ZNF654: variants seen among roughly 807,000 people sequenced by gnomAD.
ZNF654 encodes the protein zinc finger protein 654, also known as melanoma-associated antigen.
ZNF654 carries 19 observed loss-of-function variants against 95.3 expected under a neutral mutation model. The ratio of observed to expected loss-of-function variants is 0.20; its 90% CI spans 0.14 to 0.29. The LOEUF is 0.29. ZNF654 is among the 10% of genes least tolerant of loss of function. The pLI is 1.00. For missense variants in ZNF654, 1,046 were observed against 1,341.0 expected, an observed-to-expected ratio of 0.78 and a Z score of 3.44; for synonymous variants, 413 against 457.9, an observed-to-expected ratio of 0.90 and a Z score of 1.25.
chr3:88,060,471 C>T (rs972973118), intron 1 of ZNF654, among the ~76,000 whole-genome samples: 4 of 152,132 alleles, frequency 2.6e-5, no homozygotes, highest in Non-Finnish European at 5.9e-5. Context: ...TTTTTGCAAG[C>T]TATTTTGGGG....
At chr3:88,134,049 A>T (rs538014486) in intron 6 of ZNF654, among the ~76,000 whole-genome samples, 1 of 151,700 alleles carries the variant, frequency 6.6e-6, no homozygotes, top group Non-Finnish European at 1.5e-5. Context: ...AGTAAAAGCT[A>T]GAGATGTGGT....
intron 4 of ZNF654, 79 bp from the exon 5 acceptor site, chr3:88,128,730 T>C: frequency 2.1e-6 from 2 of 942,392 alleles, no homozygotes; most frequent in South Asian, 3.5e-5. Flanking sequence ...AACCATATTT[T>C]AGTGGTAAAG....
rs1016287026 is a variant in ZNF654 at position 88,141,947 on chromosome 3, T to G, written c.*295T>G. ...GTTTCGCTTATATGAGAAACATGTT[T>G]AGGCAACTAGTCAGAAAACCAGCTA... On this transcript the variant is annotated 3_prime_UTR_variant, in exon 9 of 9. Coordinates refer to ENST00000636215, the MANE Select transcript of ZNF654 (RefSeq NM_001350134.2). 3.9e-5 allele frequency: 10 copies of G among 257,832 alleles called. No individual in the cohort carries two copies. Among genetic ancestry groups the G allele is most frequent in the African/African-American group, 2.0e-4 (9 of 45,136 alleles). 16.0% of individuals were successfully genotyped at this position (257,832 alleles called of 1,614,324 possible).
intron 1 of ZNF654, among the ~76,000 whole-genome samples, chr3:88,083,771 C>T (rs1708199099): frequency 6.6e-6 from 1 of 152,016 alleles, no homozygotes; most frequent in Non-Finnish European, 1.5e-5. Context: ...TCCTGGCCAC[C>T]ATTATGTTAA....
chr3:88,069,786 T>C (rs1214998975), intron 1 of ZNF654, among the ~76,000 whole-genome samples: 2 of 152,242 alleles, frequency 1.3e-5, no homozygotes, highest in East Asian at 1.9e-4. Context: ...ACCAAAGTTA[T>C]GGTGACTGCA....
chr3:88,076,449 C>G (rs1198728946), intron 1 of ZNF654, among the ~76,000 whole-genome samples: 1 of 151,978 alleles, frequency 6.6e-6, no homozygotes, highest in Non-Finnish European at 1.5e-5. Flanking sequence ...TCTGTCTAGT[C>G]TAGCCTCTAA....
At position 88,139,266 on chromosome 3, in the gene ZNF654, C is replaced by T. The variant is rs775907695; in HGVS notation, c.1597C>T (p.Leu533Phe). Reference sequence around the variant, plus strand: ...TAATACGAAGAAAAATCTTACAGCTCTCAGTACTTCCAAAGTAGATCACAA... The same window carrying T: ...TAATACGAAGAAAAATCTTACAGCTTTCAGTACTTCCAAAGTAGATCACAA... ...HINTKKNLTA[L>F]STSKVDHNVP... The change falls in exon 8 of 9, where the codon CTC (leucine) becomes TTC (phenylalanine). Residue 533 changes from leucine to phenylalanine, a missense_variant. This residue lies in a region of ZNF654 where 100 missense variants were observed against 108.9 expected (regional missense o/e 0.92). Coordinates refer to ENST00000636215, the MANE Select transcript of ZNF654 (RefSeq NM_001350134.2). 6.5e-7 allele frequency: 1 copy of T among 1,541,806 alleles called. No individual in the cohort carries two copies.
chr3:88,112,249 T>C (rs1039860756), intron 2 of ZNF654, among the ~76,000 whole-genome samples: 4 of 149,760 alleles, frequency 2.7e-5, no homozygotes, highest in African/African-American at 9.8e-5. Context: ...TTTATAATTT[T>C]AGTCTATTAG....
chr3:88,085,874 G>A (rs1708311764), intron 1 of ZNF654, among the ~76,000 whole-genome samples: 1 of 151,990 alleles, frequency 6.6e-6, no homozygotes, highest in Non-Finnish European at 1.5e-5. Context: ...AAATAATAAT[G>A]ATAATAATAA....
intron 2 of ZNF654, among the ~76,000 whole-genome samples, chr3:88,109,776 A>G (rs766637668): frequency 6.6e-6 from 1 of 152,176 alleles, no homozygotes; most frequent in Non-Finnish European, 1.5e-5. Context: ...ATTTTTTTAT[A>G]AATGTATAAA....
intron 1 of ZNF654, among the ~76,000 whole-genome samples, chr3:88,063,770 T>C (rs539020747): frequency 1.1e-4 from 16 of 152,272 alleles, no homozygotes; most frequent in African/African-American, 3.4e-4. Context: ...GAATAGATAG[T>C]GTAGGGATGG....
At chr3:88,132,300 A>G (rs1448389724) in intron 6 of ZNF654, among the ~76,000 whole-genome samples, 1 of 152,186 alleles carries the variant, frequency 6.6e-6, no homozygotes, top group African/African-American at 2.4e-5. Context: ...TCCAGAAAGT[A>G]GATGACTTAA....
At chr3:88,089,473 A>C (rs1451109327) in intron 2 of ZNF654, among the ~76,000 whole-genome samples, 1 of 142,662 alleles carries the variant, frequency 7.0e-6, no homozygotes, top group African/African-American at 2.5e-5. Flanking sequence ...CCTGGGCAAA[A>C]AGAGCAAAAC....
chr3:88,100,128 G>GA (rs1353163464), intron 2 of ZNF654, among the ~76,000 whole-genome samples: 2 of 152,124 alleles, frequency 1.3e-5, no homozygotes, highest in East Asian at 1.9e-4. Context: ...AAATTTACAA[G>GA]AAAAAATCAA....
intron 1 of ZNF654, among the ~76,000 whole-genome samples, chr3:88,074,782 C>T (rs539066416): frequency 1.3e-5 from 2 of 152,178 alleles, no homozygotes; most frequent in East Asian, 1.9e-4. Flanking sequence ...ATTACTTTTG[C>T]CAGTAAAAAT....
intron 8 of ZNF654, 62 bp from the exon 9 acceptor site, chr3:88,141,583 G>T: frequency 1.5e-6 from 2 of 1,291,110 alleles, no homozygotes; most frequent in South Asian, 1.7e-5. Flanking sequence ...ACAGGAATCT[G>T]ACTTGGAATT....
rs1410039689 is a variant in ZNF654, at chr3:88,129,670, C to A, written c.754-17C>A. The stretch of plus-strand genomic sequence containing the variant: ...TATTTTTAATTATATGAACTGATTT[C>A]TCTTTTCCTCTTACAGCATTTATTG... On this transcript the variant is annotated splice_polypyrimidine_tract_variant and intron_variant, in intron 5 of 8. Transcript: ENST00000636215. 7.1e-7 allele frequency: 1 copy of A among 1,413,248 alleles called. No homozygotes were observed. The highest frequency in any genetic ancestry group is 1.5e-5 in the South Asian group (1 of 65,590). 87.5% of individuals were successfully genotyped at this position (1,413,248 alleles called of 1,614,324 possible).
rs755715010 is a variant in ZNF654, at chr3:88,139,858, C to T, written c.2189C>T (p.Thr730Ile). Residue 730 changes from threonine to isoleucine, a missense_variant, in exon 8 of 9, where the codon ACT (threonine) becomes ATT (isoleucine). Physicochemically the swap from Thr to Ile is moderately conservative, Grantham distance 89 (BLOSUM62 -1). Around this residue, in one of 9 missense-constraint regions of ZNF654, gnomAD observed 495 missense variants for 537.0 expected, o/e 0.92. Coordinates refer to ENST00000636215, the MANE Select transcript of ZNF654 (RefSeq NM_001350134.2). Reference protein sequence around the residue: ...ETSVIHKINGTVCHPKDIYAT... With the variant: ...ETSVIHKINGIVCHPKDIYAT... Reference sequence around the variant, plus strand: ...TCAGTAATTCATAAAATCAATGGAACTGTGTGCCATCCAAAAGACATATAT... The same window carrying T: ...TCAGTAATTCATAAAATCAATGGAATTGTGTGCCATCCAAAAGACATATAT... 16 of 1,598,708 alleles carry T rather than the reference C, an allele frequency of 1.0e-5. No individual in the cohort carries two copies. In the African/African-American group the frequency reaches 1.1e-4, roughly 11 times the overall value.
intron 2 of ZNF654, chr3:88,095,447 C>G (rs544910623): frequency 2.8e-6 from 1 of 356,978 alleles, no homozygotes; most frequent in East Asian, 8.9e-5. Flanking sequence ...TTTCTGTATC[C>G]TCAAGGTACG....
Sources: gnomAD v4.1 joint callset for allele counts (sites outside exome capture counted in the v4.1 genomes callset) on GRCh38, gnomAD v4.1.1 for gene constraint, gnomAD v4.1.1 regional missense constraint, MANE v1.5 for transcripts, NCBI Gene and HGNC (gene_info 2026-07-23, HGNC 2026-07-21) for gene names.